The following CHCHD3 variants were observed in gnomAD, a reference collection of about 807,000 sequenced individuals.
The protein encoded by CHCHD3 is MICOS complex subunit MIC19.
A neutral mutation model predicts 38.2 loss-of-function variants in CHCHD3; 20 were observed. The observed-to-expected ratio is 0.52, with a 90% CI of 0.37 to 0.76. The LOEUF is 0.76. Among genes scored for constraint, CHCHD3 ranks in the 30% least tolerant of loss-of-function variants. The pLI is 0.00. For missense variants in CHCHD3, 245 were observed against 279.2 expected, an observed-to-expected ratio of 0.88 and a Z score of 0.87; for synonymous variants, 82 against 100.0, an observed-to-expected ratio of 0.82 and a Z score of 1.07.
At chr7:133,027,535 C>T (rs1813381501) in intron 2 of CHCHD3, among the ~76,000 whole-genome samples, 1 of 152,052 alleles carries the variant, frequency 6.6e-6, no homozygotes, top group South Asian at 2.1e-4. Context: ...AATGTCTAAT[C>T]CCACCATGGC....
chr7:132,936,192 C>T (rs188097131), intron 4 of CHCHD3, among the ~76,000 whole-genome samples: 9 of 152,206 alleles, frequency 5.9e-5, no homozygotes, highest in Admixed American at 2.0e-4. Flanking sequence ...GAGTAAGCAC[C>T]CGATAAATGA....
intron 6 of CHCHD3, among the ~76,000 whole-genome samples, chr7:132,797,825 C>T (rs1343315681): frequency 1.3e-5 from 2 of 151,930 alleles, no homozygotes; most frequent in Admixed American, 6.6e-5. Context: ...CTGATTAATA[C>T]GGCAGGGAAG....
intron 3 of CHCHD3, among the ~76,000 whole-genome samples, chr7:132,997,823 G>A (rs1812466255): frequency 1.3e-5 from 2 of 152,158 alleles, no homozygotes. Context: ...GGAGGTCTAA[G>A]TTCAATTCTG....
chr7:132,901,199 C>T (rs1008204639), intron 4 of CHCHD3, among the ~76,000 whole-genome samples: 6 of 152,152 alleles, frequency 3.9e-5, no homozygotes, highest in Non-Finnish European at 7.3e-5. Flanking sequence ...ACAAAGCCTC[C>T]GGCTTATCTA....
At chr7:132,895,202 T>C (rs1199819262) in intron 4 of CHCHD3, among the ~76,000 whole-genome samples, 1 of 152,232 alleles carries the variant, frequency 6.6e-6, no homozygotes. Flanking sequence ...TAGCTTTTAC[T>C]GTAGGAGTGG....
chr7:132,893,885 C>A (rs1337134045), intron 4 of CHCHD3, among the ~76,000 whole-genome samples: 1 of 152,194 alleles, frequency 6.6e-6, no homozygotes, highest in Non-Finnish European at 1.5e-5. Flanking sequence ...AATTGTGAGA[C>A]AATTAAACCT....
intron 6 of CHCHD3, among the ~76,000 whole-genome samples, chr7:132,825,203 T>C (rs1807479338): frequency 6.6e-6 from 1 of 152,162 alleles, no homozygotes; most frequent in Non-Finnish European, 1.5e-5. Flanking sequence ...ATACTGAGGA[T>C]GGTAAGTTCT....
intron 3 of CHCHD3, among the ~76,000 whole-genome samples, chr7:133,015,490 A>G (rs1480725216): frequency 6.6e-6 from 1 of 152,206 alleles, no homozygotes; most frequent in Non-Finnish European, 1.5e-5. Context: ...TGTACAGAGT[A>G]GCTATCTAGA....
At chr7:132,860,816 G>C (rs911541419) in intron 5 of CHCHD3, among the ~76,000 whole-genome samples, 1 of 152,104 alleles carries the variant, frequency 6.6e-6, no homozygotes, top group African/African-American at 2.4e-5. Context: ...TAGAGACAAG[G>C]TTTCACCATG....
intron 4 of CHCHD3, among the ~76,000 whole-genome samples, chr7:132,897,217 T>C (rs992784489): frequency 2.6e-5 from 4 of 152,210 alleles, no homozygotes; most frequent in African/African-American, 9.7e-5. Context: ...ATTAAAAATC[T>C]CAGAAGCACT....
intron 3 of CHCHD3, among the ~76,000 whole-genome samples, chr7:133,009,774 T>C (rs374007670): frequency 2.0e-5 from 3 of 152,186 alleles, no homozygotes; most frequent in African/African-American, 7.2e-5. Context: ...TCTGGTTCAG[T>C]CTCATGTAAA....
intron 3 of CHCHD3, among the ~76,000 whole-genome samples, chr7:132,988,713 G>A (rs967935890): frequency 8.6e-5 from 13 of 151,914 alleles, no homozygotes; most frequent in Non-Finnish European, 1.8e-4. Flanking sequence ...CAGGAGTTCA[G>A]AACCAGCCTG....
In CHCHD3 at chr7:132,810,511, C is replaced by T. The variant is rs1340649056; in HGVS notation, c.525-13934G>A. On this transcript the variant is annotated intron_variant, in intron 6 of 7. Transcript: ENST00000262570. ...GGCAAGATTTAGCAAATTGGCTTAA[C>T]ATTCTAGTCTGCTGCTGAGACTAAA... 3.3e-5 allele frequency among the ~76,000 whole-genome samples: 5 copies of T among 152,278 alleles called. No homozygotes were observed. In the South Asian group the frequency reaches 1.0e-3, roughly 32 times the overall value.
chr7:133,019,540 T>G lies in CHCHD3; in HGVS notation c.251+5006A>C, dbSNP rs540993402. Among the ~76,000 whole-genome samples the G allele has an allele frequency of 1.4e-4, 22 of 152,272 alleles. No individual in the cohort carries two copies. In the South Asian group the frequency reaches 4.4e-3, roughly 30 times the overall value. ...ATTTATGACTAATTTATTAAACCAC[T>G]CATTATACCAGATAGATTATTTGAA... On this transcript the variant is annotated intron_variant, in intron 3 of 7. Transcript: ENST00000262570.
chr7:133,029,628 A>T (rs1407758938), intron 2 of CHCHD3, among the ~76,000 whole-genome samples: 1 of 152,186 alleles, frequency 6.6e-6, no homozygotes, highest in Non-Finnish European at 1.5e-5. Context: ...TTCCAGTGTG[A>T]TCAAACGGTG....
chr7:132,895,495 TG>T (rs775775197), intron 4 of CHCHD3, among the ~76,000 whole-genome samples: 29 of 152,316 alleles, frequency 1.9e-4, no homozygotes, highest in Non-Finnish European at 3.2e-4. Context: ...GTTTAAGAGG[TG>T]ATATGGTTTG....
intron 2 of CHCHD3, among the ~76,000 whole-genome samples, chr7:133,047,852 C>T (rs576546207): frequency 6.6e-6 from 1 of 152,022 alleles, no homozygotes. Flanking sequence ...CTTTGGGAGG[C>T]GGAGGTGGGC....
chr7:132,826,120 C>T (rs1056616914), intron 6 of CHCHD3, among the ~76,000 whole-genome samples: 1 of 152,162 alleles, frequency 6.6e-6, no homozygotes, highest in African/African-American at 2.4e-5. Context: ...AGCCGGTGGA[C>T]TTCAGAGTCT....
chr7:132,856,598 C>T (rs567894109), intron 5 of CHCHD3, among the ~76,000 whole-genome samples: 20 of 152,234 alleles, frequency 1.3e-4, no homozygotes, highest in African/African-American at 4.3e-4. Context: ...CTCAGTGTGA[C>T]CCAAATGTAA....
Sources: allele counts gnomAD v4.1 joint callset (sites outside exome capture counted in the v4.1 genomes callset), GRCh38; gene constraint gnomAD v4.1.1; transcripts MANE v1.5; gene names NCBI Gene and HGNC (gene_info 2026-07-23, HGNC 2026-07-21).